Variants in TACR1 observed in about 807,000 individuals in gnomAD.
TACR1 encodes the protein tachykinin receptor 1, also known as substance-P receptor.
In TACR1, 25 loss-of-function variants were observed where a neutral mutation model predicts 35.8. That is an observed-to-expected ratio of 0.70 (90% CI 0.51 to 0.98). The LOEUF is 0.98. Ranked by LOEUF, TACR1 falls within the 50% of genes least tolerant of loss-of-function variation. The pLI is 0.00. For synonymous variants in TACR1, 195 were observed against 206.7 expected, an observed-to-expected ratio of 0.94 and a Z score of 0.48; for missense variants, 478 against 522.9, an observed-to-expected ratio of 0.91 and a Z score of 0.84.
At chr2:75,071,716 C>T (rs925111533) in intron 2 of TACR1, among the ~76,000 whole-genome samples, 2 of 152,182 alleles carry the variant, frequency 1.3e-5, no homozygotes, top group Non-Finnish European at 2.9e-5. Flanking sequence ...CTCCTTAGCA[C>T]GACAGTTAAA....
chr2:75,083,057 A>G (rs1203640125), intron 2 of TACR1, among the ~76,000 whole-genome samples: 1 of 152,164 alleles, frequency 6.6e-6, no homozygotes, highest in Non-Finnish European at 1.5e-5. Flanking sequence ...TTATGGTTTT[A>G]GGTCTAACAT....
chr2:75,083,738 G>T (rs1231376008), intron 2 of TACR1, among the ~76,000 whole-genome samples: 1 of 152,058 alleles, frequency 6.6e-6, no homozygotes, highest in Non-Finnish European at 1.5e-5. Context: ...GTCTGTTATT[G>T]GTGTATAAGA....
chr2:75,196,436 T>TACA (rs1218429623), intron 1 of TACR1, among the ~76,000 whole-genome samples: 1 of 152,186 alleles, frequency 6.6e-6, no homozygotes, highest in Non-Finnish European at 1.5e-5. Flanking sequence ...ATCTTAGGAA[T>TACA]GCCATTGGTA....
At chr2:75,053,878 G>A in intron 2 of TACR1, 123 bp from the exon 3 acceptor site, 1 of 1,358,544 alleles carries the variant, frequency 7.4e-7, no homozygotes, top group Non-Finnish European at 1.0e-6. Context: ...CCATTAATAA[G>A]CTTGGGCTGT....
intron 2 of TACR1, among the ~76,000 whole-genome samples, chr2:75,105,209 AAG>A (rs1165735493): frequency 6.6e-6 from 1 of 152,162 alleles, no homozygotes; most frequent in South Asian, 2.1e-4. Context: ...AGCTTTAAAA[AAG>A]AAGATGCTTT....
At chr2:75,112,039 A>T (rs1234054958) in intron 2 of TACR1, among the ~76,000 whole-genome samples, 1 of 152,044 alleles carries the variant, frequency 6.6e-6, no homozygotes, top group Non-Finnish European at 1.5e-5. Flanking sequence ...ATAGAGAGTA[A>T]TCTACAAACT....
chr2:75,051,044 A>G, intron 4 of TACR1: 2 of 626,822 alleles, frequency 3.2e-6, no homozygotes, highest in South Asian at 4.1e-5. Context: ...TTTGGAAAAG[A>G]AAAAAAGAAA....
intron 1 of TACR1, among the ~76,000 whole-genome samples, chr2:75,130,294 G>A (rs888510537): frequency 6.6e-6 from 1 of 152,160 alleles, no homozygotes; most frequent in African/African-American, 2.4e-5. Context: ...CAGGTGCTCA[G>A]CATTATTCAG....
intron 2 of TACR1, among the ~76,000 whole-genome samples, chr2:75,057,450 C>T (rs571739541): frequency 8.5e-5 from 13 of 152,316 alleles, no homozygotes; most frequent in African/African-American, 2.9e-4. Context: ...TCACACAAAA[C>T]CTGTTGGGTG....
At chr2:75,139,625 A>T (rs964855654) in intron 1 of TACR1, among the ~76,000 whole-genome samples, 3 of 152,208 alleles carry the variant, frequency 2.0e-5, no homozygotes, top group Non-Finnish European at 4.4e-5. Context: ...GTTGTATAGG[A>T]AGTAGAATAT....
intron 2 of TACR1, among the ~76,000 whole-genome samples, chr2:75,100,759 C>T (rs531612333): frequency 1.3e-5 from 2 of 152,316 alleles, no homozygotes; most frequent in Non-Finnish European, 2.9e-5. Context: ...AATCACATTG[C>T]AGAGCCATAG....
intron 2 of TACR1, among the ~76,000 whole-genome samples, chr2:75,061,988 G>T (rs973813416): frequency 6.6e-6 from 1 of 152,186 alleles, no homozygotes; most frequent in Non-Finnish European, 1.5e-5. Flanking sequence ...TCTAGGCAGA[G>T]CCCATGTGGT....
At chr2:75,175,782 ATAGTCACACATT>A (rs1375122078) in intron 1 of TACR1, among the ~76,000 whole-genome samples, 2 of 152,182 alleles carry the variant, frequency 1.3e-5, no homozygotes, top group African/African-American at 2.4e-5. Flanking sequence ...GTAAAGTGAC[ATAGTCACACATT>A]CTAGGGATTA....
chr2:75,157,804 A>C lies in TACR1; in HGVS notation c.390-37036T>G, dbSNP rs75095154. Among the ~76,000 whole-genome samples, 158 of 152,384 alleles carry C rather than the reference A, an allele frequency of 1.0e-3. 3 individuals carry two copies. Among genetic ancestry groups the C allele is most frequent in the East Asian group, 9.8e-3 (51 of 5,194 alleles). On this transcript the variant is annotated intron_variant, in intron 1 of 4. Coordinates refer to ENST00000305249, the MANE Select transcript of TACR1 (RefSeq NM_001058.4). ...TTCTGCCTACTGGCCATTATCAGGA[A>C]GATGTGGGAAATAGACTGAAAGAAA... is the stretch of plus-strand genomic sequence containing the variant.
At chr2:75,108,831 T>C (rs1673699332) in intron 2 of TACR1, among the ~76,000 whole-genome samples, 1 of 152,090 alleles carries the variant, frequency 6.6e-6, no homozygotes, top group South Asian at 2.1e-4. Context: ...AAAAATAAAA[T>C]CATTTCAAAA....
At chr2:75,067,384 A>G (rs1319698955) in intron 2 of TACR1, among the ~76,000 whole-genome samples, 1 of 152,036 alleles carries the variant, frequency 6.6e-6, no homozygotes, top group East Asian at 1.9e-4. Context: ...TGGGAAGAGG[A>G]GGCTGCATAG....
chr2:75,127,827 A>C (rs1479450315), intron 1 of TACR1, among the ~76,000 whole-genome samples: 3 of 152,224 alleles, frequency 2.0e-5, no homozygotes, highest in Non-Finnish European at 4.4e-5. Context: ...TATCTGTAGA[A>C]ATTTTGTTTA....
intron 2 of TACR1, among the ~76,000 whole-genome samples, chr2:75,078,642 A>G (rs1440517810): frequency 6.6e-6 from 1 of 152,134 alleles, no homozygotes; most frequent in Non-Finnish European, 1.5e-5. Context: ...TGCCATTTCC[A>G]ACATCATGGG....
chr2:75,099,725 C>T (rs1281492048), intron 2 of TACR1, among the ~76,000 whole-genome samples: 1 of 152,166 alleles, frequency 6.6e-6, no homozygotes, highest in Non-Finnish European at 1.5e-5. Flanking sequence ...TCCTACCCTG[C>T]TGGCCACTGG....
Sources: gnomAD v4.1 joint callset for allele counts (sites outside exome capture counted in the v4.1 genomes callset) on GRCh38, gnomAD v4.1.1 for gene constraint, MANE v1.5 for transcripts, NCBI Gene and HGNC (gene_info 2026-07-23, HGNC 2026-07-21) for gene names.